Variants in ZNF106 observed in about 807,000 individuals in gnomAD.
ZNF106 encodes the protein SH3-domain binding protein 3.
Under a neutral mutation model 195.1 loss-of-function variants are expected in ZNF106, and 67 were observed. That is an observed-to-expected ratio of 0.34 (90% CI 0.28 to 0.42). The LOEUF (loss-of-function observed/expected upper bound fraction) is 0.42, where lower values mean the gene tolerates loss of function less well. Among genes scored for constraint, ZNF106 ranks in the 10% least tolerant of loss-of-function variants. The pLI, the probability that ZNF106 is intolerant of heterozygous loss-of-function variation, is 1.00. For missense variants in ZNF106, 2,118 were observed against 2,304.5 expected (o/e 0.92, Z 1.66); for synonymous variants, 784 against 818.6 (o/e 0.96, Z 0.72).
chr15:42,477,965 T>C (rs879560024), intron 1 of ZNF106, among the ~76,000 whole-genome samples: 27 of 152,148 alleles, frequency 1.8e-4, no homozygotes, highest in African/African-American at 5.5e-4. Context: ...CAAACCAATA[T>C]TGATACACTG....
chr15:42,489,814 T>A (rs899514156), intron 1 of ZNF106, among the ~76,000 whole-genome samples: 7 of 150,878 alleles, frequency 4.6e-5, no homozygotes, highest in Admixed American at 2.0e-4. Flanking sequence ...GGTGGGTGGA[T>A]CACCTAAGGT....
chr15:42,422,658 T>C (rs1413882747), intron 17 of ZNF106, 38 bp from the exon 18 acceptor site: 2 of 1,570,852 alleles, frequency 1.3e-6, no homozygotes, highest in Non-Finnish European at 1.7e-6. Context: ...CAGACTGACT[T>C]TCGAGACTCC....
intron 3 of ZNF106, chr15:42,457,505 G>A: frequency 8.7e-7 from 1 of 1,153,560 alleles, no homozygotes; most frequent in Non-Finnish European, 1.1e-6. Flanking sequence ...AGTTGCTCTG[G>A]AGCACACCCA....
chr15:42,429,806 G>A (rs901497368), intron 14 of ZNF106, among the ~76,000 whole-genome samples: 2 of 151,926 alleles, frequency 1.3e-5, no homozygotes, highest in African/African-American at 4.9e-5. Flanking sequence ...AATAAAAAAG[G>A]AACAAACTAT....
intron 9 of ZNF106, 74 bp downstream of exon 9, chr15:42,444,112 CAAAAAAAAAAAAAAAA>C (rs58966014): frequency 3.6e-5 from 9 of 248,936 alleles, no homozygotes; most frequent in Middle Eastern, 1.5e-3. Context: ...ACTCTGTCTC[CAAAAAAAAAAAAAAAA>C]AAAAAAAAAA....
chr15:42,468,099 G>A (rs528919371), intron 2 of ZNF106, among the ~76,000 whole-genome samples: 39 of 124,084 alleles, frequency 3.1e-4, no homozygotes, highest in African/African-American at 1.0e-3. Flanking sequence ...TTTTTGAGAC[G>A]GAGTCTCGCT....
At position 42,417,860 on chromosome 15, in the gene ZNF106, T is replaced by A; in HGVS notation, c.5609A>T (p.Lys1870Ile). 1 of 1,614,060 alleles carries A rather than the reference T, an allele frequency of 6.2e-7. No individual in the cohort carries two copies. Among genetic ancestry groups the A allele is most frequent in the Non-Finnish European group, 8.5e-7 (1 of 1,179,944 alleles). ...AGCATCGCAGTTCTTCCAGCGACAT[T>A]TCAGAGTCTGGAAGTTGGGATTAGT... ...DHTNPNFQTL[K>I]CRWKNCDAFF... The change falls in exon 21 of 22, where the codon AAA becomes ATA. Residue 1870 changes from lysine (K) to isoleucine (I), a missense_variant. Physicochemically the swap from Lys to Ile is moderately radical, Grantham distance 102 (BLOSUM62 -3). Coordinates refer to ENST00000564754, the MANE Select transcript of ZNF106 (RefSeq NM_001366845.3).
At chr15:42,429,375 G>T (rs2054973458) in intron 14 of ZNF106, among the ~76,000 whole-genome samples, 1 of 151,538 alleles carries the variant, frequency 6.6e-6, no homozygotes, top group Non-Finnish European at 1.5e-5. Context: ...GGAGGCGGAG[G>T]TTGCAGTGAG....
intron 5 of ZNF106, among the ~76,000 whole-genome samples, chr15:42,449,126 A>G (rs2055885148): frequency 6.6e-6 from 1 of 152,184 alleles, no homozygotes; most frequent in Non-Finnish European, 1.5e-5. Context: ...TAAACCCATT[A>G]TTTCAACAAG....
intron 2 of ZNF106, among the ~76,000 whole-genome samples, chr15:42,467,491 C>T (rs1458190505): frequency 6.6e-6 from 1 of 152,042 alleles, no homozygotes; most frequent in African/African-American, 2.4e-5. Flanking sequence ...GAAGGTTAAG[C>T]GTGAAAATAT....
intron 19 of ZNF106, 41 bp downstream of exon 19, chr15:42,421,876 A>G (rs747893343): frequency 2.0e-6 from 3 of 1,480,800 alleles, no homozygotes; most frequent in Non-Finnish European, 2.7e-6. Flanking sequence ...TTTAGCAAAC[A>G]CATTCAAAAG....
In ZNF106 at chr15:42,450,187, G is replaced by A. The variant is rs753147989; in HGVS notation, c.2085C>T (p.Thr695=). 11 of 1,614,044 alleles carry A rather than the reference G, an allele frequency of 6.8e-6. No homozygotes were observed. The highest frequency in any genetic ancestry group is 3.3e-4 in the Middle Eastern group (2 of 6,084). The change falls in exon 5 of 22, where the codon ACC becomes ACT. Residue 695 remains threonine, a synonymous_variant. Coordinates refer to ENST00000564754, the MANE Select transcript of ZNF106 (RefSeq NM_001366845.3). ...CATCAACCTGTGCATCTTCTAGAGA[G>A]GTTTTCAAGTCTAGCAATAAGCCAG... The part of the protein sequence containing the change: ...PHPGLLLDLK[T]SLEDAQVDDS...
At chr15:42,422,122 GA>G in intron 18 of ZNF106, 134 bp from the exon 19 acceptor site, 1 of 650,096 alleles carries the variant, frequency 1.5e-6, no homozygotes, top group East Asian at 2.9e-5. Flanking sequence ...CATTCTAACA[GA>G]AATATAATCT....
At chr15:42,452,608 T>C (rs2056076257) in intron 4 of ZNF106, among the ~76,000 whole-genome samples, 1 of 151,800 alleles carries the variant, frequency 6.6e-6, no homozygotes, top group African/African-American at 2.4e-5. Flanking sequence ...TTTGTCCCTA[T>C]CATCCAATTA....
In ZNF106 at chr15:42,466,160, G is replaced by GT; in HGVS notation, c.55-47_55-46insA. Reference sequence around the variant, plus strand: ...GATTAAAACTAAGCAGGATTGCTTTGAAAAAAAAAAACTCCTCTGTTCCTC... The same window carrying GT: ...GATTAAAACTAAGCAGGATTGCTTTGTAAAAAAAAAAACTCCTCTGTTCCTC... On this transcript the variant is annotated intron_variant, in intron 2 of 21. Coordinates refer to ENST00000564754, the MANE Select transcript of ZNF106 (RefSeq NM_001366845.3). The GT allele has an allele frequency of 2.6e-6, 3 of 1,151,718 alleles. No homozygotes were observed. In the South Asian group the frequency reaches 5.2e-5, roughly 20 times the overall value. 71.3% of individuals were successfully genotyped at this position (1,151,718 alleles called of 1,614,324 possible). A position where few individuals can be genotyped will look rare whatever the true frequency, so the allele number is the denominator to read the frequency against.
intron 3 of ZNF106, among the ~76,000 whole-genome samples, chr15:42,462,731 CT>C (rs1285964798): frequency 6.6e-6 from 1 of 152,142 alleles, no homozygotes; most frequent in Non-Finnish European, 1.5e-5. Context: ...AAGACTTTTA[CT>C]TTTTAAACAA....
intron 16 of ZNF106, 25 bp from the exon 17 acceptor site, chr15:42,424,085 A>G (rs1452786857): frequency 1.2e-6 from 2 of 1,602,336 alleles, no homozygotes. Flanking sequence ...TAAACAAGTC[A>G]GATTCTGTAT....
At position 42,450,820 on chromosome 15, in the gene ZNF106, T is replaced by C. The variant is rs1052634100; in HGVS notation, c.1452A>G (p.Lys484=). The change falls in exon 5 of 22, where the codon AAA becomes AAG. Residue 484 remains lysine, a synonymous_variant. Coordinates refer to ENST00000564754, the MANE Select transcript of ZNF106 (RefSeq NM_001366845.3). ...KSPLLPCPAT[K]SLSQKQDPKN... is the part of the protein sequence containing the mutation. ...TTGGATCTTGCTTTTGAGACAATGATTTAGTGGCTGGACATGGAAGGAGTG... is the reference window on the plus strand; with the variant it reads ...TTGGATCTTGCTTTTGAGACAATGACTTAGTGGCTGGACATGGAAGGAGTG... 7 of 1,614,160 alleles carry C rather than the reference T, an allele frequency of 4.3e-6. No homozygotes were observed. The highest frequency in any genetic ancestry group is 5.9e-6 in the Non-Finnish European group (7 of 1,180,032).
rs756221422 is a variant in ZNF106 at position 42,451,113 on chromosome 15, A to G, written c.1159T>C (p.Leu387=). 2.5e-5 allele frequency: 41 copies of G among 1,614,072 alleles called. No homozygotes were observed. The South Asian group carries it at 4.2e-4, about 16-fold the overall frequency. ...SQKTLDLQSG[L]KDITGNKSEM... ...GACTTGTTACCAGTGATGTCTTTCA[A>G]TCCCGACTGTAAATCCAGAGTCTTC... The change falls in exon 5 of 22, where the codon TTG becomes CTG. Residue 387 remains leucine (L), a synonymous_variant. Transcript: ENST00000564754.
Sources: gnomAD v4.1 joint callset for allele counts (sites outside exome capture counted in the v4.1 genomes callset) on GRCh38, gnomAD v4.1.1 for gene constraint, MANE v1.5 for transcripts, NCBI Gene and HGNC (gene_info 2026-07-23, HGNC 2026-07-21) for gene names.